The following WDR17 variants were observed in gnomAD, a reference collection of about 807,000 sequenced individuals.
WDR17 encodes WD repeat-containing protein 17.
A neutral mutation model predicts 161.7 loss-of-function variants in WDR17; 143 were observed. That is an observed-to-expected ratio of 0.88 (90% confidence interval 0.77 to 1.02). WDR17 has a LOEUF of 1.02. WDR17 is among the 50% of genes least tolerant of loss of function. The probability of loss-of-function intolerance (pLI) is 0.00; values close to 1 mark genes in which losing one functional copy is unlikely to be tolerated. For missense variants in WDR17, 1,469 were observed against 1,520.9 expected, an observed-to-expected ratio of 0.97 and a Z score of 0.57; for synonymous variants, 517 against 515.6, an observed-to-expected ratio of 1.00 and a Z score of -0.04.
intron 1 of WDR17, among the ~76,000 whole-genome samples, chr4:176,066,384 A>G (rs1293835198): frequency 6.6e-6 from 1 of 152,214 alleles, no homozygotes; most frequent in East Asian, 1.9e-4. Flanking sequence ...ATGGCTATTA[A>G]GTATATGTCT....
rs745657755 is a variant in WDR17, at chr4:176,168,735, T to C, written c.3054T>C (p.Cys1018=). ...ATGAACTACATTTAATAAAACTCTG[T>C]GCTTTCTACCCAGGATGTACTGAAG... ...PDNELHLIKL[C]AFYPGCTEEI... The change falls in exon 23 of 29, where the codon TGT becomes TGC. Residue 1018 remains cysteine (C), a synonymous_variant. Coordinates refer to ENST00000508596, the MANE Select transcript of WDR17 (RefSeq NM_181265.4). 2.5e-6 allele frequency: 4 copies of C among 1,613,408 alleles called. No individual in the cohort carries two copies. The highest frequency in any genetic ancestry group is 1.3e-5 in the African/African-American group (1 of 74,926).
At chr4:176,167,661 A>AAAAAAAACAAC (rs1750049809) in intron 22 of WDR17, among the ~76,000 whole-genome samples, 2 of 113,776 alleles carry the variant, frequency 1.8e-5, no homozygotes. Context: ...AAAAAAAAAA[A>AAAAAAAACAAC]AAAAAAAAAA....
intron 1 of WDR17, among the ~76,000 whole-genome samples, chr4:176,108,148 T>A (rs567477595): frequency 6.6e-6 from 1 of 152,110 alleles, no homozygotes; most frequent in South Asian, 2.1e-4. Flanking sequence ...ACATTATGAA[T>A]GTATTTAATA....
chr4:176,105,923 C>T (rs1244672409), intron 1 of WDR17, among the ~76,000 whole-genome samples: 1 of 151,484 alleles, frequency 6.6e-6, no homozygotes, highest in Non-Finnish European at 1.5e-5. Flanking sequence ...AATTGTCAAA[C>T]CTGTAGCTGG....
chr4:176,073,557 A>G lies in WDR17; in HGVS notation c.-7+7478A>G, dbSNP rs978244041. ...CTTTGCTATTGTGAATAGTGCCGCA[A>G]TAAACATACGTGTGCATGTGTCTTT... is the stretch of plus-strand genomic sequence containing the variant. On this transcript the variant is annotated intron_variant, in intron 1 of 28. Coordinates refer to ENST00000508596, the MANE Select transcript of WDR17 (RefSeq NM_181265.4). 4.0e-5 allele frequency among the ~76,000 whole-genome samples: 6 copies of G among 151,740 alleles called. No homozygotes were observed. In the East Asian group the frequency reaches 9.6e-4, roughly 24 times the overall value.
chr4:176,146,404 T>G (rs1448245034), intron 12 of WDR17, among the ~76,000 whole-genome samples: 2 of 152,166 alleles, frequency 1.3e-5, no homozygotes, highest in African/African-American at 4.8e-5. Flanking sequence ...TTAAGCATTT[T>G]CGTTGAATTT....
Position 176,160,202 on chromosome 4 carries a change from C to T in WDR17, c.2658+76C>T, listed in dbSNP as rs1748823405. On this transcript the variant is annotated intron_variant, in intron 19 of 28. Transcript: ENST00000508596. Reference sequence around the variant, plus strand: ...GAAGGGAGAAGGTTGTGTTGACTGGCTCACCCTTACATAATTGACAAAGTC... The same window carrying T: ...GAAGGGAGAAGGTTGTGTTGACTGGTTCACCCTTACATAATTGACAAAGTC... The T allele has an allele frequency of 7.1e-6, 11 of 1,550,244 alleles. No individual in the cohort carries two copies. The South Asian group carries it at 1.3e-4, about 19-fold the overall frequency.
intron 8 of WDR17, among the ~76,000 whole-genome samples, chr4:176,136,392 T>C (rs1043191882): frequency 1.3e-5 from 2 of 151,612 alleles, no homozygotes; most frequent in Admixed American, 1.3e-4. Context: ...ATACTCTTCA[T>C]CCTACAAAAG....
chr4:176,091,319 A>G (rs1736094965), intron 1 of WDR17, among the ~76,000 whole-genome samples: 1 of 152,210 alleles, frequency 6.6e-6, no homozygotes, highest in Non-Finnish European at 1.5e-5. Flanking sequence ...CAATGGAATA[A>G]AACTAGAAAT....
At chr4:176,080,357 C>T (rs867980087) in intron 1 of WDR17, among the ~76,000 whole-genome samples, 1 of 150,108 alleles carries the variant, frequency 6.7e-6, no homozygotes, top group African/African-American at 2.5e-5. Context: ...CCGAGAGAAC[C>T]GGTGTGGAGA....
chr4:176,145,370 A>G (rs985348762), intron 11 of WDR17, among the ~76,000 whole-genome samples: 3 of 152,170 alleles, frequency 2.0e-5, no homozygotes, highest in African/African-American at 7.2e-5. Flanking sequence ...ATCAAATTCT[A>G]TTTCCAGGGG....
At chr4:176,072,559 A>G (rs921253869) in intron 1 of WDR17, among the ~76,000 whole-genome samples, 26 of 152,248 alleles carry the variant, frequency 1.7e-4, no homozygotes, top group African/African-American at 6.3e-4. Flanking sequence ...AATGAGAATA[A>G]TGCTCATTTA....
rs568740896 is a variant in WDR17 at position 176,068,713 on chromosome 4, G to A, written c.-7+2634G>A. ...ACATATGAAACTTAAGATTTGGTTG[G>A]TACTTTTTGATACCCAAGACTGTGC... On this transcript the variant is annotated intron_variant, in intron 1 of 28. Coordinates refer to ENST00000508596, the MANE Select transcript of WDR17 (RefSeq NM_181265.4). Among the ~76,000 whole-genome samples, 4 of 152,244 alleles carry A rather than the reference G, an allele frequency of 2.6e-5. No homozygotes were observed. The South Asian group carries it at 8.3e-4, about 32-fold the overall frequency.
intron 1 of WDR17, among the ~76,000 whole-genome samples, chr4:176,066,663 G>A (rs1757166786): frequency 1.3e-5 from 2 of 152,074 alleles, no homozygotes; most frequent in South Asian, 4.1e-4. Flanking sequence ...AATTTAAGGA[G>A]ACTTTTTAAA....
intron 9 of WDR17, among the ~76,000 whole-genome samples, chr4:176,138,036 C>T (rs1260921742): frequency 6.6e-6 from 1 of 151,634 alleles, no homozygotes; most frequent in Non-Finnish European, 1.5e-5. Flanking sequence ...TTCCAGTTTT[C>T]AAATTCAATT....
At chr4:176,089,489 C>G (rs1735838952) in intron 1 of WDR17, among the ~76,000 whole-genome samples, 1 of 152,084 alleles carries the variant, frequency 6.6e-6, no homozygotes, top group Non-Finnish European at 1.5e-5. Context: ...CTCTCCTATA[C>G]CCCTAAACCC....
Position 176,147,679 on chromosome 4 carries a change from G to A in WDR17, c.1695-454G>A, listed in dbSNP as rs948349277. Among the ~76,000 whole-genome samples the A allele has an allele frequency of 6.6e-5, 10 of 151,986 alleles. No homozygotes were observed. The South Asian group carries it at 1.5e-3, about 22-fold the overall frequency. On this transcript the variant is annotated intron_variant, in intron 12 of 28. Coordinates refer to ENST00000508596, the MANE Select transcript of WDR17 (RefSeq NM_181265.4). ...TGGTTATAGCTGTTTTTGGTATTTC[G>A]TTTTAACAAAGCAATTTTATTCACA...
At chr4:176,132,993 G>T (rs1430675635) in intron 7 of WDR17, among the ~76,000 whole-genome samples, 1 of 151,252 alleles carries the variant, frequency 6.6e-6, no homozygotes, top group Non-Finnish European at 1.5e-5. Flanking sequence ...TCTGGCAGTG[G>T]GTCTTCAACA....
chr4:176,128,148 A>G (rs1344340528), intron 5 of WDR17, among the ~76,000 whole-genome samples: 1 of 152,192 alleles, frequency 6.6e-6, no homozygotes, highest in Non-Finnish European at 1.5e-5. Flanking sequence ...ACCTTTGCTT[A>G]TAATTCTGTT....
Sources: allele counts gnomAD v4.1 joint callset (sites outside exome capture counted in the v4.1 genomes callset), GRCh38; gene constraint gnomAD v4.1.1; transcripts MANE v1.5; gene names NCBI Gene and HGNC (gene_info 2026-07-23, HGNC 2026-07-21).